The following GATA4 variants were observed in gnomAD, a reference collection of about 807,000 sequenced individuals.
GATA4 encodes the protein transcription factor GATA-4.
GATA4 carries 7 observed loss-of-function variants against 37.9 expected under a neutral mutation model. The ratio of observed to expected loss-of-function variants is 0.18; its 90% confidence interval spans 0.11 to 0.35. The LOEUF (loss-of-function observed/expected upper bound fraction) is 0.35, where lower values mean the gene tolerates loss of function less well. Ranked by LOEUF, GATA4 falls within the 10% of genes least tolerant of loss-of-function variation. The probability of loss-of-function intolerance (pLI) is 1.00; values close to 1 mark genes in which losing one functional copy is unlikely to be tolerated. For synonymous variants in GATA4, 372 were observed against 292.6 expected (o/e 1.27, Z -2.77); for missense variants, 647 against 653.0 (o/e 0.99, Z 0.10).
upstream of GATA4, chr8:11,692,447 T>C (rs1000406638): frequency 1.0e-5 from 9 of 884,556 alleles, no homozygotes; most frequent in Non-Finnish European, 1.2e-5. Flanking sequence ...ATAATTCGAA[T>C]GAACCCTAAT....
At chr8:11,715,272 G>A (rs765941515) in intron 2 of GATA4, among the ~76,000 whole-genome samples, 18 of 152,308 alleles carry the variant, frequency 1.2e-4, no homozygotes, top group Middle Eastern at 3.4e-3. Context: ...CTGTGGGGAG[G>A]AAAGCGGGTA....
upstream of GATA4, among the ~76,000 whole-genome samples, chr8:11,691,459 A>C (rs1269818446): frequency 6.6e-6 from 1 of 151,840 alleles, no homozygotes; most frequent in Non-Finnish European, 1.5e-5. Context: ...TGCCACCACA[A>C]CCCGCTATGT....
At chr8:11,758,267 C>G in intron 6 of GATA4, 26 bp from the exon 7 acceptor site, 1 of 1,613,756 alleles carries the variant, frequency 6.2e-7, no homozygotes, top group Non-Finnish European at 8.5e-7. Flanking sequence ...CTCCATGGGC[C>G]TCATCGTGTG....
intron 1 of GATA4, chr8:11,697,573 T>G: frequency 1.0e-6 from 1 of 985,292 alleles, no homozygotes; most frequent in Non-Finnish European, 1.2e-6. Context: ...GGAAGCCTGG[T>G]CTGTCTGAAG....
intron 2 of GATA4, among the ~76,000 whole-genome samples, chr8:11,741,067 C>T (rs542239304): frequency 1.3e-5 from 2 of 152,058 alleles, no homozygotes; most frequent in Non-Finnish European, 2.9e-5. Flanking sequence ...TCCCAGCCTG[C>T]GGTTCTCTGG....
chr8:11,680,548 G>T, intron 1 of GATA4: 1 of 985,458 alleles, frequency 1.0e-6, no homozygotes, highest in Non-Finnish European at 1.2e-6. Context: ...GACGTCCTTC[G>T]TGGTCGCACG....
At chr8:11,720,625 C>T (rs532747620) in intron 2 of GATA4, among the ~76,000 whole-genome samples, 1 of 152,140 alleles carries the variant, frequency 6.6e-6, no homozygotes, top group Non-Finnish European at 1.5e-5. Flanking sequence ...AATTAGATAC[C>T]AGCATCTGCT....
At chr8:11,726,475 G>C (rs1050266575) in intron 2 of GATA4, among the ~76,000 whole-genome samples, 4 of 152,232 alleles carry the variant, frequency 2.6e-5, no homozygotes, top group Non-Finnish European at 5.9e-5. Flanking sequence ...TTGGGTCTGA[G>C]GCAGGGAGAA....
rs114211784 is a variant in GATA4, at chr8:11,693,240, A to G, written c.-729+580A>G. On this transcript the variant is annotated intron_variant, in intron 1 of 2. Transcript: ENST00000526974. ...CAGCACTTAGTGAGGCAGAGGCGGC[A>G]GGATCGCTTGAGCCCAGCAGATAGA... Among the ~76,000 whole-genome samples the G allele has an allele frequency of 4.8e-3, 730 of 152,334 alleles. 6 individuals are homozygous for G. Among genetic ancestry groups the G allele is most frequent in the African/African-American group, 0.017 (694 of 41,570 alleles).
In GATA4 at chr8:11,755,067, C is replaced by A. The variant is rs138404762; in HGVS notation, c.934C>A (p.Arg312=). 5.6e-6 allele frequency: 9 copies of A among 1,613,790 alleles called. No individual in the cohort carries two copies. The highest frequency in any genetic ancestry group is 4.0e-5 in the African/African-American group (3 of 74,886). ...CCAGGTCCCCAGGCCTCTTGCAATG[C>A]GGAAAGAGGGGATCCAAACCAGAAA... ...LHGVPRPLAM[R]KEGIQTRKRK... The change falls in exon 5 of 7, where the codon CGG becomes AGG. Residue 312 remains arginine (R), a synonymous_variant. Transcript: ENST00000532059.
chr8:11,688,599 C>A (rs901855699), upstream of GATA4, among the ~76,000 whole-genome samples: 1 of 151,976 alleles, frequency 6.6e-6, no homozygotes, highest in South Asian at 2.1e-4. Flanking sequence ...TATGTGATGC[C>A]CAGAGTCAGT....
At chr8:11,743,258 T>C (rs1389528119) in intron 2 of GATA4, among the ~76,000 whole-genome samples, 3 of 152,232 alleles carry the variant, frequency 2.0e-5, no homozygotes, top group Admixed American at 6.5e-5. Flanking sequence ...GGAGTTAGCA[T>C]GGATTTTGCC....
Position 11,749,318 on chromosome 8 carries a change from G to C in GATA4, c.786+233G>C, listed in dbSNP as rs1563227797. 6.6e-6 allele frequency among the ~76,000 whole-genome samples: 1 copy of C among 152,198 alleles called. No homozygotes were observed. The highest frequency in any genetic ancestry group is 1.5e-5 in the Non-Finnish European group (1 of 68,042). ...GAAACTGAAAGTGAGGCTCAGAAAA[G>C]CTAGTGGCCTTGCCCACAGCCACTC... is the stretch of plus-strand genomic sequence containing the variant. On this transcript the variant is annotated intron_variant, in intron 3 of 6. Transcript: ENST00000532059. This position sits in a 1 kb window ranked among gnomAD's most constrained non-coding sequence, Gnocchi z 4.6.
At chr8:11,677,728 G>T (rs150145203) in intron 1 of GATA4, among the ~76,000 whole-genome samples, 2 of 152,096 alleles carry the variant, frequency 1.3e-5, no homozygotes, top group African/African-American at 4.8e-5. Context: ...TTGCCTATTC[G>T]CAGATCAAGG....
At chr8:11,754,977 G>A (rs1802481766) in intron 4 of GATA4, 69 bp from the exon 5 acceptor site, 1 of 1,243,704 alleles carries the variant, frequency 8.0e-7, no homozygotes, top group Non-Finnish European at 1.2e-6. Context: ...CAGCAGGTGT[G>A]TGTCTTTCAA....
At chr8:11,726,897 G>C (rs918709646) in intron 2 of GATA4, among the ~76,000 whole-genome samples, 1 of 152,126 alleles carries the variant, frequency 6.6e-6, no homozygotes, top group African/African-American at 2.4e-5. Context: ...ATCTTTCCCT[G>C]CCAGCTTGCA....
rs1355417244 is a variant in GATA4 at position 11,749,838 on chromosome 8, C to T, written c.787-273C>T. Among the ~76,000 whole-genome samples, 1 of 152,216 alleles carries T rather than the reference C, an allele frequency of 6.6e-6. No individual in the cohort carries two copies. The highest frequency in any genetic ancestry group is 1.9e-4 in the East Asian group (1 of 5,192). ...GTGCCCGGCGCTCACTGGTTATTCG[C>T]CTGACGGTGAATGATGGTTAGGACT... On this transcript the variant is annotated intron_variant, in intron 3 of 6. Transcript: ENST00000532059. This position sits in a 1 kb window ranked among gnomAD's most constrained non-coding sequence, Gnocchi z 4.6.
intron 2 of GATA4, among the ~76,000 whole-genome samples, chr8:11,726,170 C>A (rs1800914521): frequency 6.6e-6 from 1 of 152,200 alleles, no homozygotes; most frequent in South Asian, 2.1e-4. Context: ...GCAGCTTTGG[C>A]TCACATATTC....
rs1044509496 is a variant in GATA4 at position 11,708,277 on chromosome 8, G to A, written c.-36G>A. On this transcript the variant is annotated 5_prime_UTR_variant, in exon 2 of 7. Transcript: ENST00000532059. This position sits in a 1 kb window ranked among gnomAD's most constrained non-coding sequence, Gnocchi z 6.7. The stretch of plus-strand genomic sequence containing the variant: ...GCGTGGCTCCTTGACCTGCGAGGGA[G>A]AGAGAGGACACCGAAGCCGGGAGCT... 1 of 1,554,570 alleles carries A rather than the reference G, an allele frequency of 6.4e-7. No homozygotes were observed. The highest frequency in any genetic ancestry group is 8.6e-7 in the Non-Finnish European group (1 of 1,156,584).
Sources: allele counts gnomAD v4.1 joint callset (sites outside exome capture counted in the v4.1 genomes callset), GRCh38; gene constraint gnomAD v4.1.1; non-coding constraint Gnocchi (gnomAD v3.1); transcripts MANE v1.5; gene names NCBI Gene and HGNC (gene_info 2026-07-23, HGNC 2026-07-21).